PLCB4: variants seen among roughly 807,000 people sequenced by gnomAD.
The protein encoded by PLCB4 is phospholipase C beta 4, also known as 1-phosphatidylinositol 4,5-bisphosphate phosphodiesterase beta-4.
A neutral mutation model predicts 178.8 loss-of-function variants in PLCB4; 77 were observed. The ratio of observed to expected loss-of-function variants is 0.43; its 90% CI spans 0.36 to 0.52. PLCB4 has a LOEUF of 0.52. Among genes scored for constraint, PLCB4 ranks in the 20% least tolerant of loss-of-function variants. The probability of loss-of-function intolerance (pLI) is 0.00; values close to 1 mark genes in which losing one functional copy is unlikely to be tolerated. For synonymous variants in PLCB4, 496 were observed against 490.8 expected (o/e 1.01, Z -0.14); for missense variants, 1,024 against 1,453.4 (o/e 0.70, Z 4.80).
At chr20:9,091,551 G>A (rs2090678720) in intron 1 of PLCB4, among the ~76,000 whole-genome samples, 1 of 151,684 alleles carries the variant, frequency 6.6e-6, no homozygotes, top group Non-Finnish European at 1.5e-5. Context: ...TGAGTATCCA[G>A]TCTGTCTTTT....
At chr20:9,123,935 G>GA (rs1352405966) in intron 2 of PLCB4, among the ~76,000 whole-genome samples, 1 of 152,086 alleles carries the variant, frequency 6.6e-6, no homozygotes, top group African/African-American at 2.4e-5. Flanking sequence ...ATTCAGTGTT[G>GA]TAGCACAAAA....
At chr20:9,390,193 T>G (rs1357933050) in intron 16 of PLCB4, among the ~76,000 whole-genome samples, 1 of 152,188 alleles carries the variant, frequency 6.6e-6, no homozygotes, top group African/African-American at 2.4e-5. Context: ...TTAATGTGTT[T>G]CAGAAATACT....
At chr20:9,426,984 G>A (rs1053053782) in intron 28 of PLCB4, among the ~76,000 whole-genome samples, 7 of 152,040 alleles carry the variant, frequency 4.6e-5, no homozygotes, top group African/African-American at 1.7e-4. Flanking sequence ...CAGCACTTTG[G>A]GAGGCCGAGG....
At chr20:9,105,195 T>C (rs1035327138) in intron 2 of PLCB4, among the ~76,000 whole-genome samples, 4 of 152,110 alleles carry the variant, frequency 2.6e-5, no homozygotes, top group African/African-American at 9.7e-5. Flanking sequence ...TTACCAAGCA[T>C]AAATATTAGA....
At chr20:9,426,496 A>G (rs1349890176) in intron 28 of PLCB4, among the ~76,000 whole-genome samples, 1 of 152,024 alleles carries the variant, frequency 6.6e-6, no homozygotes, top group Non-Finnish European at 1.5e-5. Flanking sequence ...CTCCTGTCTC[A>G]GCCTCCCGAT....
intron 3 of PLCB4, among the ~76,000 whole-genome samples, chr20:9,241,303 A>G (rs528067892): frequency 4.6e-5 from 7 of 152,042 alleles, no homozygotes; most frequent in Non-Finnish European, 8.8e-5. Context: ...CTGCTGTCAG[A>G]GAAGCTGAAA....
At chr20:9,382,207 G>A (rs1229909426) in intron 13 of PLCB4, among the ~76,000 whole-genome samples, 1 of 152,086 alleles carries the variant, frequency 6.6e-6, no homozygotes, top group East Asian at 1.9e-4. Context: ...AAACCTGTAA[G>A]ATCCAGCCTC....
intron 3 of PLCB4, among the ~76,000 whole-genome samples, chr20:9,265,400 T>C (rs1328864811): frequency 6.6e-6 from 1 of 152,094 alleles, no homozygotes; most frequent in Non-Finnish European, 1.5e-5. Flanking sequence ...TGAGAATCAC[T>C]TGAACCCCGG....
chr20:9,247,461 A>G (rs1307330559), intron 3 of PLCB4, among the ~76,000 whole-genome samples: 1 of 152,180 alleles, frequency 6.6e-6, no homozygotes, highest in African/African-American at 2.4e-5. Flanking sequence ...ACTCTTTTTG[A>G]ATAAAAATAC....
intron 9 of PLCB4, among the ~76,000 whole-genome samples, chr20:9,366,049 C>T (rs1256398287): frequency 1.3e-5 from 2 of 152,080 alleles, no homozygotes; most frequent in East Asian, 1.9e-4. Flanking sequence ...CTCTGTGGAG[C>T]TATCCTTTCC....
chr20:9,233,222 T>A (rs1007422807), intron 3 of PLCB4, among the ~76,000 whole-genome samples: 2 of 152,122 alleles, frequency 1.3e-5, no homozygotes, highest in African/African-American at 2.4e-5. Context: ...GATAATGACC[T>A]AAAAAAATTT....
rs2034732246 is a variant in PLCB4 at position 9,355,573 on chromosome 20, T to G, written c.370-7323T>G. 3.3e-5 allele frequency among the ~76,000 whole-genome samples: 5 copies of G among 152,084 alleles called. No individual in the cohort carries two copies. The South Asian group carries it at 1.0e-3, about 32-fold the overall frequency. On this transcript the variant is annotated intron_variant, in intron 7 of 39. Transcript: ENST00000378473. ...GGTTTTTTTTGTCCTTGTGATAGTT[T>G]ACTGAGAATGATGATTTCCAATTTC...
At chr20:9,371,655 C>T (rs115460099) in intron 10 of PLCB4, among the ~76,000 whole-genome samples, 3 of 152,186 alleles carry the variant, frequency 2.0e-5, no homozygotes, top group East Asian at 1.9e-4. Context: ...AACACTGCCT[C>T]AACCAGGCAC....
In PLCB4 at chr20:9,273,909, G is replaced by A. The variant is rs192005260; in HGVS notation, c.-15-33891G>A. On this transcript the variant is annotated intron_variant, in intron 3 of 39. Coordinates refer to ENST00000378473, the MANE Select transcript of PLCB4 (RefSeq NM_001377142.1). ...GCTTCTGTGTAGACAATGAAAGAAA[G>A]AACAGGAGGAAGACTGCTGGCAGGA... is the stretch of plus-strand genomic sequence containing the variant. Among the ~76,000 whole-genome samples the A allele has an allele frequency of 2.6e-5, 4 of 152,158 alleles. No individual in the cohort carries two copies. In the East Asian group the frequency reaches 7.8e-4, roughly 30 times the overall value.
intron 2 of PLCB4, among the ~76,000 whole-genome samples, chr20:9,196,332 C>T (rs1291225614): frequency 6.6e-6 from 1 of 152,098 alleles, no homozygotes; most frequent in African/African-American, 2.4e-5. Flanking sequence ...CTCTAATTTG[C>T]AATTAAAATG....
chr20:9,260,306 T>C (rs1365889607), intron 3 of PLCB4, among the ~76,000 whole-genome samples: 1 of 152,136 alleles, frequency 6.6e-6, no homozygotes, highest in Non-Finnish European at 1.5e-5. Flanking sequence ...TAGTGTACTG[T>C]TTTGATTTTC....
chr20:9,402,230 A>G (rs1005858529), intron 20 of PLCB4, among the ~76,000 whole-genome samples: 10 of 152,240 alleles, frequency 6.6e-5, no homozygotes, highest in African/African-American at 2.2e-4. Context: ...GAGTGCAATT[A>G]TGAACATAAA....
chr20:9,346,931 T>C (rs1336948512), intron 7 of PLCB4, among the ~76,000 whole-genome samples: 1 of 152,202 alleles, frequency 6.6e-6, no homozygotes, highest in African/African-American at 2.4e-5. Context: ...ACCACCTTTT[T>C]CCTCTGTGGC....
chr20:9,312,207 C>A (rs979608617), intron 4 of PLCB4, among the ~76,000 whole-genome samples: 5 of 152,046 alleles, frequency 3.3e-5, no homozygotes, highest in African/African-American at 1.2e-4. Flanking sequence ...TCGTCTTTCC[C>A]ACATCATAAA....
Sources: gnomAD v4.1 joint callset for allele counts (sites outside exome capture counted in the v4.1 genomes callset) on GRCh38, gnomAD v4.1.1 for gene constraint, MANE v1.5 for transcripts, NCBI Gene and HGNC (gene_info 2026-07-23, HGNC 2026-07-21) for gene names.